Variants in EFR3B observed in about 807,000 individuals in gnomAD.
The protein encoded by EFR3B is protein EFR3 homolog B.
EFR3B carries 64 observed loss-of-function variants against 104.7 expected under a neutral mutation model. The observed-to-expected ratio is 0.61, with a 90% CI of 0.50 to 0.75. The LOEUF is 0.75. Ranked by LOEUF, EFR3B falls within the 30% of genes least tolerant of loss-of-function variation. The pLI is 0.00. For synonymous variants in EFR3B, 385 were observed against 417.9 expected (o/e 0.92, Z 0.96); for missense variants, 750 against 1,078.5 (o/e 0.70, Z 4.27).
In EFR3B at chr2:25,042,127, T is replaced by A; in HGVS notation, c.-186T>A. ...GCGGCCGCTGCAGCCCGGCGCTGAA[T>A]GGGCTGGCGGCGCCCGGCTCCGTCC... On this transcript the variant is annotated 5_prime_UTR_variant, in exon 1 of 23. An upstream start codon of the reference 5' UTR is lost. Coordinates refer to ENST00000403714, the MANE Select transcript of EFR3B (RefSeq NM_014971.2). The surrounding 1 kb of genome is among the most constrained non-coding windows in gnomAD (Gnocchi z 5.4). The A allele has an allele frequency of 7.2e-6, 3 of 415,062 alleles. 1 individual carries two copies. 25.7% of individuals were successfully genotyped at this position (415,062 alleles called of 1,614,324 possible). A position where few individuals can be genotyped will look rare whatever the true frequency, so the allele number is the denominator to read the frequency against.
chr2:25,086,162 C>T (rs1351210043), intron 1 of EFR3B, among the ~76,000 whole-genome samples: 1 of 152,104 alleles, frequency 6.6e-6, no homozygotes, highest in Non-Finnish European at 1.5e-5. Flanking sequence ...GTTTATTCAC[C>T]CACTGCAGGA....
chr2:25,120,121 G>A lies in EFR3B; in HGVS notation c.364-1552G>A, dbSNP rs924294572. On this transcript the variant is annotated intron_variant, in intron 4 of 22. Transcript: ENST00000403714. ...TATAATCCCAGCACTTTGGGAGGCCGAGGTGGGTGGATCACCTGAGGTCAG... is the reference window on the plus strand; with the variant it reads ...TATAATCCCAGCACTTTGGGAGGCCAAGGTGGGTGGATCACCTGAGGTCAG... 9.2e-5 allele frequency among the ~76,000 whole-genome samples: 14 copies of A among 152,226 alleles called. 1 individual carries two copies. The highest frequency in any genetic ancestry group is 5.2e-4 in the Admixed American group (8 of 15,276).
At chr2:25,109,979 G>C (rs1227980976) in intron 4 of EFR3B, among the ~76,000 whole-genome samples, 1 of 152,128 alleles carries the variant, frequency 6.6e-6, no homozygotes, top group African/African-American at 2.4e-5. Context: ...GGTGCAAAGC[G>C]AGTCACCCAG....
intron 17 of EFR3B, among the ~76,000 whole-genome samples, chr2:25,142,464 A>G (rs1670695720): frequency 6.7e-6 from 1 of 149,912 alleles, no homozygotes; most frequent in Non-Finnish European, 1.5e-5. Flanking sequence ...AAAAAAAAAA[A>G]ATTAGGCCGG....
In EFR3B at chr2:25,114,399, G is replaced by T. The variant is rs80343647; in HGVS notation, c.364-7274G>T. ...TGTCAAACCAAGGGATCCTAAGGAG[G>T]CTCGAGATCCTGGTACCAAAAAGGT... On this transcript the variant is annotated intron_variant, in intron 4 of 22. Transcript: ENST00000403714. This position sits in a 1 kb window ranked among gnomAD's most constrained non-coding sequence, Gnocchi z 4.0. Among the ~76,000 whole-genome samples the T allele has an allele frequency of 0.018, 2,788 of 152,268 alleles. 234 individuals carry two copies. The East Asian group carries it at 0.27, about 15-fold the overall frequency.
At chr2:25,134,741 A>G (rs1670474730) in intron 12 of EFR3B, among the ~76,000 whole-genome samples, 1 of 152,070 alleles carries the variant, frequency 6.6e-6, no homozygotes. Context: ...CTTGGTCTCC[A>G]TATTCCTGCC....
intron 3 of EFR3B, among the ~76,000 whole-genome samples, chr2:25,102,570 A>C (rs1168590252): frequency 6.6e-6 from 1 of 152,088 alleles, no homozygotes; most frequent in Non-Finnish European, 1.5e-5. Flanking sequence ...ACACTATCAC[A>C]AGAACAGTAT....
At chr2:25,110,331 A>T (rs534827528) in intron 4 of EFR3B, among the ~76,000 whole-genome samples, 6 of 152,012 alleles carry the variant, frequency 3.9e-5, no homozygotes, top group Non-Finnish European at 7.4e-5. Flanking sequence ...CTCTACACAT[A>T]TGTGCGTTAG....
rs1007858856 is a variant in EFR3B, at chr2:25,042,744, C to G, written c.7+425C>G. On this transcript the variant is annotated intron_variant, in intron 1 of 22. Transcript: ENST00000403714. This position sits in a 1 kb window ranked among gnomAD's most constrained non-coding sequence, Gnocchi z 5.4. The stretch of plus-strand genomic sequence containing the variant: ...CCCGCGGCCGGTCGTCTGCGCGGCT[C>G]GGAGAAGGCGGGAGGCGGCGCCGGC... 90 of 975,298 alleles carry G rather than the reference C, an allele frequency of 9.2e-5. No individual in the cohort carries two copies. The highest frequency in any genetic ancestry group is 5.1e-4 in the Middle Eastern group (1 of 1,950). 60.4% of individuals were successfully genotyped at this position (975,298 alleles called of 1,614,324 possible). A position where few individuals can be genotyped will look rare whatever the true frequency, so the allele number is the denominator to read the frequency against.
intron 3 of EFR3B, among the ~76,000 whole-genome samples, chr2:25,102,464 A>G (rs973886055): frequency 1.3e-5 from 2 of 152,174 alleles, no homozygotes; most frequent in Non-Finnish European, 2.9e-5. Context: ...ACTTACAATC[A>G]TAGCGAAAGT....
chr2:25,122,992 C>T (rs980721867), intron 5 of EFR3B, among the ~76,000 whole-genome samples: 1 of 152,192 alleles, frequency 6.6e-6, no homozygotes, highest in Admixed American at 6.5e-5. Context: ...CTTTTACATA[C>T]ACATACTCCA....
intron 1 of EFR3B, among the ~76,000 whole-genome samples, chr2:25,087,836 G>A (rs534057733): frequency 6.7e-6 from 1 of 149,424 alleles, no homozygotes; most frequent in South Asian, 2.1e-4. Context: ...CGTGGATTGT[G>A]CCCTTGGTTT....
rs1306250926 is a variant in EFR3B at position 25,136,204 on chromosome 2, G to C, written c.1485-319G>C. 6.6e-6 allele frequency among the ~76,000 whole-genome samples: 1 copy of C among 152,154 alleles called. No individual in the cohort carries two copies. Among genetic ancestry groups the C allele is most frequent in the Non-Finnish European group, 1.5e-5 (1 of 68,024 alleles). On this transcript the variant is annotated intron_variant, in intron 13 of 22. Transcript: ENST00000403714. The surrounding 1 kb of genome is among the most constrained non-coding windows in gnomAD (Gnocchi z 4.0). ...GTGGTGGCTCACACCTGTGGTCCCAGCTCTTTGGGAGGCTGAGTTGGGAGG... is the reference window on the plus strand; with the variant it reads ...GTGGTGGCTCACACCTGTGGTCCCACCTCTTTGGGAGGCTGAGTTGGGAGG...
rs1269075335 is a variant in EFR3B at position 25,130,102 on chromosome 2, G to A, written c.763G>A (p.Val255Ile). Residue 255 changes from valine to isoleucine, a missense_variant, in exon 7 of 23, where the codon GTT (valine) becomes ATT (isoleucine). Coordinates refer to ENST00000403714, the MANE Select transcript of EFR3B (RefSeq NM_014971.2). The surrounding 1 kb of genome is among the most constrained non-coding windows in gnomAD (Gnocchi z 4.6). ...CAACATCAAAAACGCCATCAAGCCT[G>A]TTCTCATGTGAGTGCCCCCACCCAC... ...FGNIKNAIKP[V>I]LIHLDNHSLW... 2.6e-6 allele frequency: 4 copies of A among 1,551,782 alleles called. No homozygotes were observed.
chr2:25,143,487 C>T (rs562338119), intron 17 of EFR3B, among the ~76,000 whole-genome samples: 2 of 151,984 alleles, frequency 1.3e-5, no homozygotes, highest in South Asian at 4.2e-4. Context: ...GATGAAACTC[C>T]GTCTCTACTA....
chr2:25,118,801 G>T (rs1444656873), intron 4 of EFR3B, among the ~76,000 whole-genome samples: 1 of 147,594 alleles, frequency 6.8e-6, no homozygotes, highest in East Asian at 2.0e-4. Flanking sequence ...AGCAATTTGG[G>T]AGGCCAAGGC....
intron 1 of EFR3B, among the ~76,000 whole-genome samples, chr2:25,043,487 T>TGA (rs144097629): frequency 6.9e-4 from 105 of 151,374 alleles, no homozygotes; most frequent in Admixed American, 4.0e-3. Flanking sequence ...GCCCCCCTAC[T>TGA]GAGAGAGAGA....
intron 1 of EFR3B, among the ~76,000 whole-genome samples, chr2:25,046,894 A>G (rs1048592100): frequency 5.3e-5 from 8 of 152,116 alleles, no homozygotes; most frequent in African/African-American, 1.9e-4. Flanking sequence ...GTGCACACAC[A>G]TAAACCAGCC....
intron 4 of EFR3B, among the ~76,000 whole-genome samples, chr2:25,107,828 C>A (rs989065541): frequency 1.4e-5 from 2 of 145,824 alleles, no homozygotes; most frequent in African/African-American, 5.1e-5. Context: ...TTTTTTACTT[C>A]TTGTTCTTCA....
Sources: allele counts gnomAD v4.1 joint callset (sites outside exome capture counted in the v4.1 genomes callset), GRCh38; gene constraint gnomAD v4.1.1; non-coding constraint Gnocchi (gnomAD v3.1); transcripts MANE v1.5; gene names NCBI Gene and HGNC (gene_info 2026-07-23, HGNC 2026-07-21).